STAG1: variants seen among roughly 807,000 people sequenced by gnomAD.
STAG1 encodes the protein STAG1 cohesin complex component.
STAG1 carries 26 observed loss-of-function variants against 170.9 expected under a neutral mutation model. That is an observed-to-expected ratio of 0.15 (90% CI 0.11 to 0.21). STAG1 has a LOEUF of 0.21. STAG1 is among the 10% of genes least tolerant of loss of function. The pLI is 1.00. For missense variants in STAG1, 964 were observed against 1,509.5 expected (o/e 0.64, Z 5.99); for synonymous variants, 514 against 497.7 (o/e 1.03, Z -0.44).
At chr3:136,465,875 T>C (rs1158646145) in intron 12 of STAG1, among the ~76,000 whole-genome samples, 1 of 152,106 alleles carries the variant, frequency 6.6e-6, no homozygotes, top group Non-Finnish European at 1.5e-5. Context: ...TAAGACCTAA[T>C]GGTATTTTTA....
At chr3:136,412,065 CT>C (rs564134853) in intron 21 of STAG1, among the ~76,000 whole-genome samples, 38 of 152,154 alleles carry the variant, frequency 2.5e-4, no homozygotes, top group Non-Finnish European at 4.9e-4. Context: ...TACATAGGAA[CT>C]GGATTGAAAG....
intron 9 of STAG1, 151 bp from the exon 10 acceptor site, chr3:136,477,563 T>G: frequency 1.5e-6 from 1 of 650,468 alleles, no homozygotes. Flanking sequence ...CTGTTTTTCA[T>G]GTTTTCTATA....
intron 7 of STAG1, among the ~76,000 whole-genome samples, chr3:136,520,132 CA>C (rs1934599572): frequency 6.6e-6 from 1 of 152,038 alleles, no homozygotes; most frequent in Non-Finnish European, 1.5e-5. Context: ...TGGCTTTGGG[CA>C]ACAGGTTAAG....
chr3:136,377,529 C>G, intron 23 of STAG1, 131 bp downstream of exon 23: 1 of 656,310 alleles, frequency 1.5e-6, no homozygotes, highest in South Asian at 1.9e-5. Context: ...CATCTACAGT[C>G]TTGTTCCAGG....
chr3:136,434,708 G>C (rs945788711), intron 15 of STAG1, among the ~76,000 whole-genome samples: 1 of 152,048 alleles, frequency 6.6e-6, no homozygotes, highest in Non-Finnish European at 1.5e-5. Context: ...CAGGTTTCTT[G>C]TATTGCCTTC....
intron 1 of STAG1, among the ~76,000 whole-genome samples, chr3:136,689,690 C>G (rs559744887): frequency 6.6e-6 from 1 of 152,170 alleles, no homozygotes; most frequent in South Asian, 2.1e-4. Flanking sequence ...GACTGACAAG[C>G]TTTAATAGCA....
intron 5 of STAG1, among the ~76,000 whole-genome samples, chr3:136,544,588 C>A (rs1342295117): frequency 6.6e-6 from 1 of 151,936 alleles, no homozygotes; most frequent in Non-Finnish European, 1.5e-5. Flanking sequence ...CACGGCGAGA[C>A]ATCATCTCTA....
chr3:136,560,787 G>C (rs542915517), intron 5 of STAG1, among the ~76,000 whole-genome samples: 15 of 152,286 alleles, frequency 9.8e-5, no homozygotes, highest in African/African-American at 3.6e-4. Context: ...CTTGGCTCAA[G>C]AGCCAAGATG....
intron 3 of STAG1, among the ~76,000 whole-genome samples, chr3:136,613,806 A>AT (rs1390161848): frequency 6.6e-6 from 1 of 152,082 alleles, no homozygotes; most frequent in Non-Finnish European, 1.5e-5. Context: ...CTTTACATTA[A>AT]TTTTTCTCCA....
chr3:136,608,869 A>AG (rs1939107735), intron 3 of STAG1, among the ~76,000 whole-genome samples: 1 of 151,512 alleles, frequency 6.6e-6, no homozygotes, highest in South Asian at 2.1e-4. Context: ...CTTTGCTTCT[A>AG]GGTTCTTATG....
intron 22 of STAG1, among the ~76,000 whole-genome samples, chr3:136,380,976 A>G (rs1291393150): frequency 2.1e-5 from 3 of 146,060 alleles, no homozygotes. Flanking sequence ...GCTGAGATTG[A>G]TTGTGCCACT....
intron 13 of STAG1, among the ~76,000 whole-genome samples, chr3:136,460,342 C>A (rs922244470): frequency 4.6e-5 from 7 of 152,148 alleles, no homozygotes; most frequent in African/African-American, 1.7e-4. Flanking sequence ...TGGCTCACGC[C>A]TTTAGTCCCA....
At chr3:136,492,981 AT>A (rs1210655629) in intron 9 of STAG1, among the ~76,000 whole-genome samples, 3 of 152,186 alleles carry the variant, frequency 2.0e-5, no homozygotes, top group African/African-American at 7.2e-5. Context: ...TTTGTGGAAA[AT>A]TTAGAGCTTA....
At chr3:136,427,658 TAAA>T (rs75850249) in intron 16 of STAG1, among the ~76,000 whole-genome samples, 5 of 132,464 alleles carry the variant, frequency 3.8e-5, no homozygotes, top group East Asian at 2.2e-4. Context: ...AGGACCATTG[TAAA>T]AAAAAAAAAA....
At chr3:136,376,677 G>A (rs1937619902) in intron 23 of STAG1, among the ~76,000 whole-genome samples, 1 of 152,172 alleles carries the variant, frequency 6.6e-6, no homozygotes, top group South Asian at 2.1e-4. Context: ...GGGCTAAAGT[G>A]TTGGCATGCA....
rs181471810 is a variant in STAG1 at position 136,421,583 on chromosome 3, T to C, written c.2038-420A>G. 1.3e-3 allele frequency among the ~76,000 whole-genome samples: 201 copies of C among 152,168 alleles called. 2 individuals carry two copies. Among genetic ancestry groups the C allele is most frequent in the Admixed American group, 0.012 (184 of 15,278 alleles). ...AAGAGTCTTTTATAAATCAGTTACA[T>C]GGTCATCAGAGCACAGAGAACTATG... On this transcript the variant is annotated intron_variant, in intron 19 of 33. Coordinates refer to ENST00000383202, the MANE Select transcript of STAG1 (RefSeq NM_005862.3).
intron 4 of STAG1, among the ~76,000 whole-genome samples, chr3:136,603,381 A>T (rs890716205): frequency 1.3e-5 from 2 of 149,956 alleles, no homozygotes; most frequent in African/African-American, 2.5e-5. Flanking sequence ...CAATTTAAAA[A>T]TATCCTTTAG....
chr3:136,389,181 G>A (rs1054991987), intron 22 of STAG1, among the ~76,000 whole-genome samples: 1 of 152,196 alleles, frequency 6.6e-6, no homozygotes, highest in Non-Finnish European at 1.5e-5. Context: ...CTTAGATCAT[G>A]AAGTATTAAA....
intron 14 of STAG1, among the ~76,000 whole-genome samples, chr3:136,444,044 A>C (rs1377975166): frequency 6.7e-6 from 1 of 150,020 alleles, no homozygotes; most frequent in African/African-American, 2.5e-5. Flanking sequence ...AAACTCTACC[A>C]CTTGCCAGTC....
Sources: gnomAD v4.1 joint callset for allele counts (sites outside exome capture counted in the v4.1 genomes callset) on GRCh38, gnomAD v4.1.1 for gene constraint, MANE v1.5 for transcripts, NCBI Gene and HGNC (gene_info 2026-07-23, HGNC 2026-07-21) for gene names.